Variants in SLC24A3 observed in about 807,000 individuals in gnomAD.
The protein encoded by SLC24A3 is sodium/potassium/calcium exchanger 3.
Under a neutral mutation model 75.8 loss-of-function variants are expected in SLC24A3, and 28 were observed. The ratio of observed to expected loss-of-function variants is 0.37; its 90% CI spans 0.27 to 0.51. The LOEUF (loss-of-function observed/expected upper bound fraction) is 0.51. SLC24A3 is among the 20% of genes least tolerant of loss of function. The pLI is 0.94. For missense variants in SLC24A3, 663 were observed against 847.8 expected, an observed-to-expected ratio of 0.78 and a Z score of 2.71; for synonymous variants, 372 against 334.1, an observed-to-expected ratio of 1.11 and a Z score of -1.24.
intron 2 of SLC24A3, among the ~76,000 whole-genome samples, chr20:19,296,287 C>CA (rs1333292032): frequency 0.011 from 427 of 38,870 alleles, 2 homozygotes; most frequent in African/African-American, 0.039. Context: ...TTTTTTTTTT[C>CA]AAAAAAAAAT....
chr20:19,530,966 A>G (rs946184701), intron 3 of SLC24A3, among the ~76,000 whole-genome samples: 1 of 152,006 alleles, frequency 6.6e-6, no homozygotes, highest in African/African-American at 2.4e-5. Context: ...AAGGAATAGG[A>G]CTCTATCATA....
At chr20:19,301,463 A>G (rs1222828026) in intron 2 of SLC24A3, among the ~76,000 whole-genome samples, 1 of 152,182 alleles carries the variant, frequency 6.6e-6, no homozygotes, top group Non-Finnish European at 1.5e-5. Flanking sequence ...ATCACCACAG[A>G]GTGCTCTTCT....
At chr20:19,446,431 G>A (rs1306435986) in intron 2 of SLC24A3, among the ~76,000 whole-genome samples, 3 of 152,234 alleles carry the variant, frequency 2.0e-5, no homozygotes, top group Admixed American at 6.5e-5. Context: ...TTGCATTTAA[G>A]CAGGTCTTGG....
chr20:19,495,049 A>G (rs1159441675), intron 2 of SLC24A3, among the ~76,000 whole-genome samples: 1 of 152,146 alleles, frequency 6.6e-6, no homozygotes, highest in Non-Finnish European at 1.5e-5. Flanking sequence ...TGTGAATGGC[A>G]CCACAGAGCT....
At chr20:19,677,396 C>G (rs1535247) in intron 9 of SLC24A3, among the ~76,000 whole-genome samples, 2 of 151,978 alleles carry the variant, frequency 1.3e-5, no homozygotes, top group Admixed American at 6.5e-5. Context: ...CCCTGTCGCT[C>G]TACAGGGCAA....
chr20:19,490,798 T>C (rs966512697), intron 2 of SLC24A3, among the ~76,000 whole-genome samples: 1 of 152,104 alleles, frequency 6.6e-6, no homozygotes, highest in African/African-American at 2.4e-5. Flanking sequence ...GGGACTTATA[T>C]CTCCCATCCT....
chr20:19,370,574 G>A (rs1332751958), intron 2 of SLC24A3, among the ~76,000 whole-genome samples: 1 of 152,208 alleles, frequency 6.6e-6, no homozygotes, highest in Non-Finnish European at 1.5e-5. Context: ...GACACCAGCT[G>A]GCTCCCTGCC....
intron 2 of SLC24A3, among the ~76,000 whole-genome samples, chr20:19,423,167 CACAACTAAGGTGCTTTAGCAGA>C (rs932390781): frequency 2.0e-5 from 3 of 152,180 alleles, no homozygotes; most frequent in African/African-American, 7.2e-5. Flanking sequence ...TGTTCTGGGC[CACAACTAAGGTGCTTTAGCAGA>C]ACAGGGAATG....
intron 2 of SLC24A3, among the ~76,000 whole-genome samples, chr20:19,356,075 A>T (rs1985676406): frequency 6.6e-6 from 1 of 152,208 alleles, no homozygotes; most frequent in Non-Finnish European, 1.5e-5. Context: ...CCTGCCAGGT[A>T]TTCTCACTGA....
chr20:19,410,517 G>A (rs1187530707), intron 2 of SLC24A3, among the ~76,000 whole-genome samples: 2 of 152,140 alleles, frequency 1.3e-5, no homozygotes, highest in East Asian at 1.9e-4. Flanking sequence ...CAATAAGTAT[G>A]TATCAGATCA....
intron 3 of SLC24A3, among the ~76,000 whole-genome samples, chr20:19,546,153 C>G (rs1289782886): frequency 5.9e-5 from 2 of 33,786 alleles, no homozygotes; most frequent in Non-Finnish European, 1.2e-4. Flanking sequence ...AGCGAGACTC[C>G]GTCTCAAAAA....
At chr20:19,612,607 A>AGTGTGTGT (rs71198018) in intron 6 of SLC24A3, among the ~76,000 whole-genome samples, 4,684 of 146,896 alleles carry the variant, frequency 0.032, 79 homozygotes, top group South Asian at 0.047. Context: ...CCTTAAGAAA[A>AGTGTGTGT]GTGTGTGTGT....
In SLC24A3 at chr20:19,672,761, C is replaced by G. The variant is rs557276236; in HGVS notation, c.714-840C>G. ...TTATAAACACTGCCGCAGGAAAAAC[C>G]CTTGTGTATGTATCCTTTTCACATT... On this transcript the variant is annotated intron_variant, in intron 8 of 16. Coordinates refer to ENST00000328041, the MANE Select transcript of SLC24A3 (RefSeq NM_020689.4). Among the ~76,000 whole-genome samples, 5 of 152,254 alleles carry G rather than the reference C, an allele frequency of 3.3e-5. No homozygotes were observed. In the East Asian group the frequency reaches 9.7e-4, roughly 29 times the overall value.
intron 2 of SLC24A3, among the ~76,000 whole-genome samples, chr20:19,408,231 A>G (rs1017506529): frequency 6.6e-6 from 1 of 152,232 alleles, no homozygotes; most frequent in Non-Finnish European, 1.5e-5. Flanking sequence ...TAATTATATC[A>G]TTCAGATATA....
chr20:19,214,171 G>C (rs1981488555), intron 1 of SLC24A3, among the ~76,000 whole-genome samples: 1 of 152,140 alleles, frequency 6.6e-6, no homozygotes, highest in African/African-American at 2.4e-5. Context: ...TTCAGTCTTA[G>C]CAGACCGCTT....
chr20:19,584,868 C>T, intron 4 of SLC24A3, 103 bp from the exon 5 acceptor site: 1 of 1,009,960 alleles, frequency 9.9e-7, no homozygotes, highest in Non-Finnish European at 1.5e-6. Flanking sequence ...TCGCTGAAGC[C>T]CCAGTCTTTG....
At chr20:19,664,064 G>T (rs1568689847) in intron 7 of SLC24A3, among the ~76,000 whole-genome samples, 2 of 152,198 alleles carry the variant, frequency 1.3e-5, no homozygotes, top group East Asian at 3.9e-4. Flanking sequence ...AATTAAATTG[G>T]CCTGGTCTAA....
intron 2 of SLC24A3, among the ~76,000 whole-genome samples, chr20:19,506,336 T>C (rs1355176725): frequency 6.6e-6 from 1 of 152,240 alleles, no homozygotes; most frequent in East Asian, 1.9e-4. Context: ...GCATCTTCCT[T>C]CACAGAGATG....
At chr20:19,503,497 T>C (rs962022925) in intron 2 of SLC24A3, among the ~76,000 whole-genome samples, 1 of 152,040 alleles carries the variant, frequency 6.6e-6, no homozygotes, top group Non-Finnish European at 1.5e-5. Flanking sequence ...CTTAAAAGAG[T>C]TTCAGGAGTA....
Sources: gnomAD v4.1 joint callset for allele counts (sites outside exome capture counted in the v4.1 genomes callset) on GRCh38, gnomAD v4.1.1 for gene constraint, MANE v1.5 for transcripts, NCBI Gene and HGNC (gene_info 2026-07-23, HGNC 2026-07-21) for gene names.